The following GPC6 variants were observed in gnomAD, a reference collection of about 807,000 sequenced individuals.
GPC6 encodes the protein glypican 6.
GPC6 carries 14 observed loss-of-function variants against 55.2 expected under a neutral mutation model. That is an observed-to-expected ratio of 0.25 (90% confidence interval 0.17 to 0.40). GPC6 has a LOEUF of 0.40. Among genes scored for constraint, GPC6 ranks in the 10% least tolerant of loss-of-function variants. The probability of loss-of-function intolerance (pLI) is 1.00; values close to 1 mark genes in which losing one functional copy is unlikely to be tolerated. For missense variants in GPC6, 641 were observed against 708.5 expected (o/e 0.90, Z 1.08); for synonymous variants, 278 against 259.6 (o/e 1.07, Z -0.68).
At position 93,947,738 on chromosome 13, in the gene GPC6, C is replaced by CT. The variant is rs986594670; in HGVS notation, c.712-79981dup. 8.3e-3 allele frequency among the ~76,000 whole-genome samples: 1,222 copies of CT among 147,704 alleles called. 15 individuals carry two copies. Among genetic ancestry groups the CT allele is most frequent in the African/African-American group, 0.025 (1,021 of 40,348 alleles). ...GGTTTCTTTTTTTTCCTCTTCAACGCTTTTTTTTTTCGCCACCACAATCAG... is the reference window on the plus strand; with the variant it reads ...GGTTTCTTTTTTTTCCTCTTCAACGCTTTTTTTTTTTCGCCACCACAATCAG... On this transcript the variant is annotated intron_variant, in intron 3 of 8. Coordinates refer to ENST00000377047, the MANE Select transcript of GPC6 (RefSeq NM_005708.5).
intron 4 of GPC6, among the ~76,000 whole-genome samples, chr13:94,135,884 A>G (rs1260500419): frequency 6.6e-6 from 1 of 152,184 alleles, no homozygotes; most frequent in East Asian, 1.9e-4. Context: ...CCTCAGAAAG[A>G]GTTGATTTTT....
At chr13:93,481,654 G>A (rs1051534115) in intron 1 of GPC6, among the ~76,000 whole-genome samples, 2 of 150,352 alleles carry the variant, frequency 1.3e-5, no homozygotes, top group African/African-American at 4.9e-5. Context: ...TTTTTTGTAC[G>A]TAGATACTCA....
rs1045361102 is a variant in GPC6, at chr13:94,403,297, A to G, written c.*80A>G. The G allele has an allele frequency of 8.0e-6, 8 of 1,003,746 alleles. No homozygotes were observed. The East Asian group carries it at 1.7e-4, about 22-fold the overall frequency. 62.2% of individuals were successfully genotyped at this position (1,003,746 alleles called of 1,614,324 possible). A position where few individuals can be genotyped will look rare whatever the true frequency, so the allele number is the denominator to read the frequency against. ...ACTTCTTTTCTTACACTCTTGGACA[A>G]TGGACCATGCCACAAAAACTTACCG... On this transcript the variant is annotated 3_prime_UTR_variant, in exon 9 of 9. Coordinates refer to ENST00000377047, the MANE Select transcript of GPC6 (RefSeq NM_005708.5).
intron 3 of GPC6, among the ~76,000 whole-genome samples, chr13:93,945,522 C>T (rs559931859): frequency 2.6e-5 from 4 of 152,298 alleles, no homozygotes; most frequent in Middle Eastern, 3.4e-3. Context: ...GGACATCTTA[C>T]GTGGTGAGAT....
intron 1 of GPC6, among the ~76,000 whole-genome samples, chr13:93,427,741 A>G (rs7322644): frequency 0.036 from 5,372 of 151,266 alleles, 310 homozygotes; most frequent in African/African-American, 0.13. Context: ...TCCAGCCCCT[A>G]GCACAGCAAT....
At chr13:93,987,127 G>A (rs1881066496) in intron 3 of GPC6, among the ~76,000 whole-genome samples, 1 of 152,110 alleles carries the variant, frequency 6.6e-6, no homozygotes, top group Non-Finnish European at 1.5e-5. Context: ...ATGTGATAAA[G>A]ATCAAAAGCA....
At chr13:94,233,805 T>C (rs1475432347) in intron 4 of GPC6, among the ~76,000 whole-genome samples, 1 of 152,162 alleles carries the variant, frequency 6.6e-6, no homozygotes, top group Non-Finnish European at 1.5e-5. Flanking sequence ...GTTGTTAATC[T>C]CTTACTGTGC....
chr13:93,545,175 AT>A (rs1874714387), intron 1 of GPC6, 87 bp from the exon 2 acceptor site: 5 of 1,160,286 alleles, frequency 4.3e-6, no homozygotes, highest in East Asian at 4.7e-5. Context: ...GCACCCTGAG[AT>A]TTGAGCAAAG....
chr13:93,992,350 T>G (rs191802502), intron 3 of GPC6, among the ~76,000 whole-genome samples: 19 of 152,240 alleles, frequency 1.2e-4, no homozygotes, highest in African/African-American at 4.3e-4. Context: ...GAATGTACCT[T>G]TTCAGTGAAA....
At chr13:93,281,619 G>T (rs566922149) in intron 1 of GPC6, among the ~76,000 whole-genome samples, 1 of 152,248 alleles carries the variant, frequency 6.6e-6, no homozygotes, top group South Asian at 2.1e-4. Flanking sequence ...TTCAAAACCA[G>T]CCTGACCAAC....
chr13:93,333,120 G>C (rs139925986), intron 1 of GPC6, among the ~76,000 whole-genome samples: 2 of 152,032 alleles, frequency 1.3e-5, no homozygotes, highest in African/African-American at 4.8e-5. Flanking sequence ...AGTATATTTC[G>C]AATTCAGGTA....
chr13:94,113,339 A>G (rs530768477), intron 4 of GPC6, among the ~76,000 whole-genome samples: 4 of 152,232 alleles, frequency 2.6e-5, no homozygotes, highest in Admixed American at 2.6e-4. Context: ...AGGAGCCAAA[A>G]AAAAGTTAAG....
intron 1 of GPC6, among the ~76,000 whole-genome samples, chr13:93,490,343 A>G (rs1336926739): frequency 1.3e-5 from 2 of 151,196 alleles, no homozygotes; most frequent in African/African-American, 4.8e-5. Flanking sequence ...CAACCTTATC[A>G]CACTGCCAAG....
chr13:94,144,817 T>C (rs2138885993), intron 4 of GPC6, among the ~76,000 whole-genome samples: 1 of 152,274 alleles, frequency 6.6e-6, no homozygotes, highest in Middle Eastern at 3.4e-3. Flanking sequence ...TAAAGAATTT[T>C]AGCAGTTCTT....
intron 3 of GPC6, among the ~76,000 whole-genome samples, chr13:93,917,053 A>G (rs1187265804): frequency 6.6e-6 from 1 of 152,168 alleles, no homozygotes; most frequent in African/African-American, 2.4e-5. Flanking sequence ...AGTTAACAAG[A>G]CATCTCTTTC....
chr13:93,305,637 G>A (rs140233377), intron 1 of GPC6, among the ~76,000 whole-genome samples: 6 of 152,232 alleles, frequency 3.9e-5, no homozygotes, highest in Non-Finnish European at 8.8e-5. Context: ...CATCCTAAAT[G>A]TTTATTCTTT....
At chr13:93,433,481 G>A (rs1282748329) in intron 1 of GPC6, among the ~76,000 whole-genome samples, 2 of 152,158 alleles carry the variant, frequency 1.3e-5, no homozygotes, top group South Asian at 2.1e-4. Context: ...GAAAAACTTG[G>A]TTTTGAAAGT....
the GPC6 span, among the ~76,000 whole-genome samples, chr13:93,219,807 T>G: frequency 3.3e-5 from 5 of 152,006 alleles, no homozygotes; most frequent in East Asian, 9.7e-4. Context: ...AAATTTCTTG[T>G]TTTTTTTCTA....
At chr13:93,895,812 C>T (rs1414934880) in intron 3 of GPC6, among the ~76,000 whole-genome samples, 1 of 151,900 alleles carries the variant, frequency 6.6e-6, no homozygotes, top group African/African-American at 2.4e-5. Context: ...GATTTTTGTG[C>T]CCAAACTTTT....
Sources: gnomAD v4.1 joint callset for allele counts (sites outside exome capture counted in the v4.1 genomes callset) on GRCh38, gnomAD v4.1.1 for gene constraint, MANE v1.5 for transcripts, NCBI Gene and HGNC (gene_info 2026-07-23, HGNC 2026-07-21) for gene names.